RSBN1: variants seen among roughly 807,000 people sequenced by gnomAD.
RSBN1 encodes lysine-specific demethylase 9.
In RSBN1, 23 loss-of-function variants were observed where a neutral mutation model predicts 74.8. The observed-to-expected ratio is 0.31, with a 90% CI of 0.22 to 0.44. The LOEUF is 0.44. RSBN1 is among the 20% of genes least tolerant of loss of function. The pLI is 1.00. For synonymous variants in RSBN1, 407 were observed against 379.6 expected, an observed-to-expected ratio of 1.07 and a Z score of -0.84; for missense variants, 808 against 1,020.9, an observed-to-expected ratio of 0.79 and a Z score of 2.84.
At chr1:113,792,289 C>A (rs945154273) in intron 2 of RSBN1, among the ~76,000 whole-genome samples, 1 of 152,170 alleles carries the variant, frequency 6.6e-6, no homozygotes, top group African/African-American at 2.4e-5. Flanking sequence ...GAAAACAATT[C>A]CCTTTTAACT....
At chr1:113,770,001 T>C (rs2040041) in intron 4 of RSBN1, among the ~76,000 whole-genome samples, 104,156 of 152,014 alleles carry the variant, frequency 0.69, 37,198 homozygotes, top group East Asian at 0.94. Flanking sequence ...CCCTAATTTT[T>C]ATTAGGCATC....
At chr1:113,786,302 G>GT (rs1232031707) in intron 2 of RSBN1, among the ~76,000 whole-genome samples, 1 of 152,184 alleles carries the variant, frequency 6.6e-6, no homozygotes, top group East Asian at 1.9e-4. Flanking sequence ...CCAGAAGTAT[G>GT]TGATAGGTTG....
chr1:113,768,616 A>G (rs961108101), intron 4 of RSBN1, among the ~76,000 whole-genome samples: 1 of 152,190 alleles, frequency 6.6e-6, no homozygotes, highest in South Asian at 2.1e-4. Flanking sequence ...AGCTGAAAAT[A>G]TATCTTAGAT....
intron 2 of RSBN1, among the ~76,000 whole-genome samples, chr1:113,782,444 A>G (rs1402327851): frequency 6.6e-6 from 1 of 152,238 alleles, no homozygotes; most frequent in African/African-American, 2.4e-5. Flanking sequence ...AGGAAAACAG[A>G]TATTTGACAG....
Position 113,812,094 on chromosome 1 carries a change from G to T in RSBN1, c.319C>A (p.Pro107Thr). 1 of 1,593,588 alleles carries T rather than the reference G, an allele frequency of 6.3e-7. No individual in the cohort carries two copies. Among genetic ancestry groups the T allele is most frequent in the Non-Finnish European group, 8.5e-7 (1 of 1,171,462 alleles). Residue 107 changes from proline to threonine, a missense_variant, in exon 1 of 7, where the codon CCC becomes ACC. By Grantham distance (38) the Pro-to-Thr change is conservative. Coordinates refer to ENST00000261441, the MANE Select transcript of RSBN1 (RefSeq NM_018364.5). ...QEKRGRPSQEPPLAPPHRRRR... is the reference protein window; with the variant it reads ...QEKRGRPSQETPLAPPHRRRR... The stretch of plus-strand genomic sequence containing the variant: ...CGCCGGTGAGGGGGAGCGAGAGGGG[G>T]CTCCTGGCTCGGCCGCCCCCGCTTC...
intron 4 of RSBN1, among the ~76,000 whole-genome samples, chr1:113,771,881 A>G (rs959775202): frequency 2.0e-5 from 3 of 150,856 alleles, no homozygotes; most frequent in Non-Finnish European, 3.0e-5. Context: ...TTATGTTCCT[A>G]CCTCAAAAAA....
chr1:113,785,189 C>T (rs985269487), intron 2 of RSBN1, among the ~76,000 whole-genome samples: 3 of 151,978 alleles, frequency 2.0e-5, no homozygotes, highest in Non-Finnish European at 2.9e-5. Context: ...ACACATTGGC[C>T]TATGCCTACA....
At position 113,807,552 on chromosome 1, in the gene RSBN1, G is replaced by C. The variant is rs931402561; in HGVS notation, c.703+4158C>G. Among the ~76,000 whole-genome samples the C allele has an allele frequency of 2.7e-4, 41 of 151,908 alleles. 1 individual carries two copies. The highest frequency in any genetic ancestry group is 8.8e-5 in the Non-Finnish European group (6 of 67,952). On this transcript the variant is annotated intron_variant, in intron 1 of 6. Coordinates refer to ENST00000261441, the MANE Select transcript of RSBN1 (RefSeq NM_018364.5). ...AGGCGGGTGGATCACCTGAGGTCAGGAGTTCGAGAACAGCCTGGCCAACAC... is the reference window on the plus strand; with the variant it reads ...AGGCGGGTGGATCACCTGAGGTCAGCAGTTCGAGAACAGCCTGGCCAACAC...
intron 2 of RSBN1, among the ~76,000 whole-genome samples, chr1:113,791,737 CATTTTT>C (rs1316454449): frequency 6.6e-6 from 1 of 151,748 alleles, no homozygotes; most frequent in Non-Finnish European, 1.5e-5. Context: ...TCAAGCCTAC[CATTTTT>C]ATTTATGCCA....
intron 1 of RSBN1, 125 bp from the exon 2 acceptor site, chr1:113,798,161 G>T (rs1474029996): frequency 2.6e-6 from 2 of 775,268 alleles, no homozygotes; most frequent in East Asian, 2.5e-5. Context: ...TACAACTTAC[G>T]TGTTTAGAAA....
Position 113,812,293 on chromosome 1 carries a change from T to G in RSBN1, c.120A>C (p.Pro40=). 6.2e-7 allele frequency: 1 copy of G among 1,604,494 alleles called. No individual in the cohort carries two copies. The highest frequency in any genetic ancestry group is 8.5e-7 in the Non-Finnish European group (1 of 1,179,788). The change falls in exon 1 of 7, where the codon CCA becomes CCC. Residue 40 remains proline (P), a synonymous_variant. Transcript: ENST00000261441. ...TTTCACCCACAAACACACATTTAAA[T>G]GGCCCGACCGCCCCCCCGTCCGCGC... ...ARCADGGAVG[P]FKCVFVGEMA...
At chr1:113,766,960 C>A in intron 6 of RSBN1, 139 bp downstream of exon 6, 2 of 542,374 alleles carry the variant, frequency 3.7e-6, no homozygotes, top group South Asian at 5.4e-5. Flanking sequence ...TTTTCAGCAC[C>A]ACCCCCACCC....
At position 113,799,565 on chromosome 1, in the gene RSBN1, TACACACACACACACACAC is replaced by T. The variant is rs66958734; in HGVS notation, c.704-1547_704-1530del. ...AAGTCTGTCTGATCTATAGATGCTT[TACACACACACACACACAC>T]ACACACACACACACACACACACACA... On this transcript the variant is annotated intron_variant, in intron 1 of 6. Coordinates refer to ENST00000261441, the MANE Select transcript of RSBN1 (RefSeq NM_018364.5). Among the ~76,000 whole-genome samples, 246 of 142,000 alleles carry T rather than the reference TACACACACACACACACAC, an allele frequency of 1.7e-3. 1 individual carries two copies. Among genetic ancestry groups the T allele is most frequent in the Admixed American group, 5.1e-3 (71 of 13,850 alleles). 93.2% of individuals were successfully genotyped at this position (142,000 alleles called of 152,430 possible).
In RSBN1 at chr1:113,766,255, G is replaced by T; in HGVS notation, c.2134C>A (p.Gln712Lys). The change falls in exon 7 of 7, where the codon CAA (glutamine) becomes AAA (lysine). Residue 712 changes from glutamine (Q) to lysine (K), a missense_variant. By Grantham distance (53) the Gln-to-Lys change is moderately conservative. Coordinates refer to ENST00000261441, the MANE Select transcript of RSBN1 (RefSeq NM_018364.5). ...KQYHPVVEAT[Q>K]NTESNSNMDC... ...ATGTTAGAATTGCTTTCTGTGTTTT[G>T]AGTGGCTTCCACAACAGGGTGGTAC... 2 of 1,614,054 alleles carry T rather than the reference G, an allele frequency of 1.2e-6. No individual in the cohort carries two copies. Among genetic ancestry groups the T allele is most frequent in the Non-Finnish European group, 1.7e-6 (2 of 1,179,970 alleles).
intron 2 of RSBN1, among the ~76,000 whole-genome samples, chr1:113,792,945 T>C (rs1235917412): frequency 6.6e-6 from 1 of 152,160 alleles, no homozygotes; most frequent in Non-Finnish European, 1.5e-5. Context: ...ACATATAAAT[T>C]TTTCTGCTCT....
chr1:113,769,629 GAATT>G, intron 4 of RSBN1, among the ~76,000 whole-genome samples: 1 of 152,242 alleles, frequency 6.6e-6, no homozygotes, highest in Non-Finnish European at 1.5e-5. Context: ...CAAAGGAAAT[GAATT>G]AATGAATGAG....
chr1:113,767,347 T>G (rs1282697771), intron 5 of RSBN1, 140 bp from the exon 6 acceptor site: 1 of 438,280 alleles, frequency 2.3e-6, no homozygotes, highest in Non-Finnish European at 4.0e-6. Context: ...GTATACAATT[T>G]TTTTTTAATT....
At chr1:113,770,743 G>C (rs191136111) in intron 4 of RSBN1, among the ~76,000 whole-genome samples, 1 of 152,194 alleles carries the variant, frequency 6.6e-6, no homozygotes, top group Admixed American at 6.5e-5. Context: ...AGAATCACCA[G>C]CTTCTGAAGA....
intron 1 of RSBN1, among the ~76,000 whole-genome samples, chr1:113,806,838 C>CA (rs140139729): frequency 0.16 from 12,738 of 78,778 alleles, 1,058 homozygotes; most frequent in East Asian, 0.25. Context: ...CTGCCTCTAT[C>CA]AAAAAAAAAA....
Sources: allele counts gnomAD v4.1 joint callset (sites outside exome capture counted in the v4.1 genomes callset), GRCh38; gene constraint gnomAD v4.1.1; transcripts MANE v1.5; gene names NCBI Gene and HGNC (gene_info 2026-07-23, HGNC 2026-07-21).